FANCA: variants seen among roughly 807,000 people sequenced by gnomAD.
The protein encoded by FANCA is Fanconi anemia group A protein.
In FANCA, 236 loss-of-function variants were observed where a neutral mutation model predicts 194.3. That is an observed-to-expected ratio of 1.21 (90% CI 1.09 to 1.35). The LOEUF (loss-of-function observed/expected upper bound fraction) is 1.35, where lower values mean the gene tolerates loss of function less well. FANCA is among the 40% of genes most tolerant of loss of function. The pLI, the probability that FANCA is intolerant of heterozygous loss-of-function variation, is 0.00. For missense variants in FANCA, 2,628 were observed against 1,813.9 expected (o/e 1.45, Z -8.15); for synonymous variants, 1,014 against 715.8 (o/e 1.42, Z -6.65).
At position 89,811,046 on chromosome 16, in the gene FANCA, T is replaced by A; in HGVS notation, c.309A>T (p.Ser103=). 1.2e-6 allele frequency: 2 copies of A among 1,614,052 alleles called. No individual in the cohort carries two copies. Among genetic ancestry groups the A allele is most frequent in the Non-Finnish European group, 1.7e-6 (2 of 1,180,040 alleles). Residue 103 remains serine (S), a synonymous_variant, in exon 4 of 43, where the codon TCA becomes TCT. Coordinates refer to ENST00000389301, the MANE Select transcript of FANCA (RefSeq NM_000135.4). ...GAATACCCACGGGAACCCCCAGCCT[T>A]GAGGCTTGATCCTGCAAAGCAGAGC... ...FIGSALQDQA[S]RLGVPVGILS...
At chr16:89,770,372 A>G (rs1388438119) in intron 24 of FANCA, 113 bp from the exon 25 acceptor site, 2 of 1,139,988 alleles carry the variant, frequency 1.8e-6, no homozygotes, top group East Asian at 2.6e-5. Context: ...TCCCCAAAAC[A>G]GTGGTCTTTC....
intron 28 of FANCA, among the ~76,000 whole-genome samples, chr16:89,763,182 G>C (rs1003170031): frequency 2.0e-5 from 3 of 152,004 alleles, no homozygotes; most frequent in Admixed American, 6.6e-5. Flanking sequence ...AGAAGGCTGA[G>C]GTTGCAGTGA....
At chr16:89,776,434 TG>T (rs1166849546) in intron 20 of FANCA, among the ~76,000 whole-genome samples, 1 of 151,920 alleles carries the variant, frequency 6.6e-6, no homozygotes, top group African/African-American at 2.4e-5. Context: ...CCCAAAGTGC[TG>T]GGATTACAGG....
chr16:89,793,284 G>C (rs566944037), intron 11 of FANCA, among the ~76,000 whole-genome samples: 3 of 152,304 alleles, frequency 2.0e-5, no homozygotes, highest in South Asian at 4.1e-4. Flanking sequence ...GTCACCGCTA[G>C]ACCAAGGAGC....
chr16:89,758,818 T>C (rs2038848735), intron 29 of FANCA, 113 bp from the exon 30 acceptor site: 2 of 1,543,994 alleles, frequency 1.3e-6, no homozygotes, highest in South Asian at 2.2e-5. Flanking sequence ...GAGAGCTGGG[T>C]TGAGACTGGC....
chr16:89,779,134 C>T (rs935900435), intron 18 of FANCA, 131 bp from the exon 19 acceptor site: 1 of 846,448 alleles, frequency 1.2e-6, no homozygotes, highest in African/African-American at 1.7e-5. Flanking sequence ...ATGAAGTCTT[C>T]TTGTGCACAG....
At chr16:89,809,353 GATA>G (rs1256810526) in intron 5 of FANCA, among the ~76,000 whole-genome samples, 1 of 152,156 alleles carries the variant, frequency 6.6e-6, no homozygotes, top group African/African-American at 2.4e-5. Flanking sequence ...CAAGCTACGT[GATA>G]ATGAGGGCAG....
intron 10 of FANCA, chr16:89,798,315 T>C (rs2040317477): frequency 2.0e-6 from 2 of 1,021,160 alleles, no homozygotes; most frequent in African/African-American, 1.7e-5. Context: ...TCTGGCACTT[T>C]GTTACAGCAG....
At chr16:89,788,568 G>C (rs748186041) in intron 14 of FANCA, among the ~76,000 whole-genome samples, 14 of 152,194 alleles carry the variant, frequency 9.2e-5, no homozygotes, top group Admixed American at 6.5e-5. Context: ...GGGTTAAGGT[G>C]CGGGGATCGC....
At chr16:89,798,402 A>G in intron 10 of FANCA, 4 of 1,062,782 alleles carry the variant, frequency 3.8e-6, no homozygotes, top group Non-Finnish European at 4.6e-6. Flanking sequence ...AAAAGTACCG[A>G]ACGGTACAAC....
chr16:89,803,309 G>T lies in FANCA; in HGVS notation c.742C>A (p.Gln248Lys), dbSNP rs760744752. The T allele has an allele frequency of 1.9e-5, 31 of 1,614,056 alleles. No homozygotes were observed. Among genetic ancestry groups the T allele is most frequent in the Non-Finnish European group, 2.5e-5 (30 of 1,179,990 alleles). Residue 248 changes from glutamine to lysine, a missense_variant, in exon 8 of 43, where the codon CAG becomes AAG. Coordinates refer to ENST00000389301, the MANE Select transcript of FANCA (RefSeq NM_000135.4). Reference sequence around the variant, plus strand: ...GTTCTTCTCAGATCTGAGTTTTTCTGAAATCCCCTCAAAACAAACATTTGA... The same window carrying T: ...GTTCTTCTCAGATCTGAGTTTTTCTTAAATCCCCTCAAAACAAACATTTGA... Reference protein sequence around the residue: ...FVQMFVLRGFQKNSDLRRTVE... With the variant: ...FVQMFVLRGFKKNSDLRRTVE...
intron 8 of FANCA, 92 bp from the exon 9 acceptor site, chr16:89,799,730 T>A (rs2040377397): frequency 2.6e-6 from 3 of 1,156,760 alleles, no homozygotes; most frequent in South Asian, 1.2e-5. Flanking sequence ...CTTGTTACTC[T>A]AAAGTAAAGA....
chr16:89,792,155 A>C (rs2143531807), intron 12 of FANCA, 87 bp from the exon 13 acceptor site: 2 of 1,509,330 alleles, frequency 1.3e-6, no homozygotes, highest in Non-Finnish European at 1.8e-6. Context: ...GCCGGTGGCC[A>C]CCGCAGCCCC....
At chr16:89,812,926 G>GCA (rs2040955659) in intron 3 of FANCA, among the ~76,000 whole-genome samples, 6 of 150,474 alleles carry the variant, frequency 4.0e-5, no homozygotes, top group African/African-American at 1.5e-4. Context: ...CCAGCTATTC[G>GCA]GGAGGCTGAG....
chr16:89,775,030 G>C (rs1350073778), intron 21 of FANCA, among the ~76,000 whole-genome samples: 1 of 151,138 alleles, frequency 6.6e-6, no homozygotes, highest in African/African-American at 2.4e-5. Flanking sequence ...GGGGGCAGAG[G>C]TTTCAGCGAG....
chr16:89,739,625 G>A (rs955664564), intron 39 of FANCA, 72 bp from the exon 40 acceptor site: 4 of 1,528,590 alleles, frequency 2.6e-6, no homozygotes, highest in Non-Finnish European at 3.5e-6. Flanking sequence ...GACACCCCTG[G>A]GGGTCGGGAC....
intron 29 of FANCA, among the ~76,000 whole-genome samples, chr16:89,761,638 C>A (rs570789883): frequency 6.6e-6 from 1 of 152,016 alleles, no homozygotes; most frequent in South Asian, 2.1e-4. Context: ...GCTCCTTTTT[C>A]TTTTGAGATA....
At chr16:89,751,427 G>A (rs951967463) in intron 31 of FANCA, among the ~76,000 whole-genome samples, 1 of 152,072 alleles carries the variant, frequency 6.6e-6, no homozygotes, top group Admixed American at 6.6e-5. Flanking sequence ...AGATATGATC[G>A]CACCACTGTA....
chr16:89,791,351 C>A (rs1276942804), intron 14 of FANCA, 52 bp downstream of exon 14: 2 of 1,603,426 alleles, frequency 1.2e-6, no homozygotes, highest in African/African-American at 2.7e-5. Context: ...TCCCCACTCC[C>A]AGGCCTTCTG....
Sources: allele counts gnomAD v4.1 joint callset (sites outside exome capture counted in the v4.1 genomes callset), GRCh38; gene constraint gnomAD v4.1.1; transcripts MANE v1.5; gene names NCBI Gene and HGNC (gene_info 2026-07-23, HGNC 2026-07-21).